Variants in ZNF431 observed in about 807,000 individuals in gnomAD.
ZNF431 encodes zinc finger protein 431.
A neutral mutation model predicts 57.0 loss-of-function variants in ZNF431; 34 were observed. That is an observed-to-expected ratio of 0.60 (90% CI 0.45 to 0.79). The LOEUF is 0.79. ZNF431 is among the 30% of genes least tolerant of loss of function. The pLI is 0.00. For missense variants in ZNF431, 607 were observed against 667.1 expected, an observed-to-expected ratio of 0.91 and a Z score of 0.99; for synonymous variants, 207 against 220.3, an observed-to-expected ratio of 0.94 and a Z score of 0.54.
chr19:21,153,748 C>A (rs1413582446), intron 2 of ZNF431, among the ~76,000 whole-genome samples: 1 of 152,012 alleles, frequency 6.6e-6, no homozygotes, highest in East Asian at 1.9e-4. Flanking sequence ...CAAAGTTTCG[C>A]TCTTGTTGTC....
intron 4 of ZNF431, among the ~76,000 whole-genome samples, chr19:21,181,032 G>T (rs1971197077): frequency 2.7e-5 from 4 of 150,226 alleles, no homozygotes; most frequent in Admixed American, 6.6e-5. Context: ...GTTGCTAATT[G>T]TATATTTTAT....
At position 21,142,223 on chromosome 19, in the gene ZNF431, A is replaced by AG. The variant is rs557530619; in HGVS notation, c.3+40dup. The AG allele has an allele frequency of 1.5e-4, 243 of 1,612,860 alleles. 1 individual carries two copies. In the East Asian group the frequency reaches 4.1e-3, roughly 27 times the overall value. On this transcript the variant is annotated intron_variant, in intron 1 of 4. Coordinates refer to ENST00000311048, the MANE Select transcript of ZNF431 (RefSeq NM_133473.4). The stretch of plus-strand genomic sequence containing the variant: ...GGGTCGGACATCCCGAGAGAGGGGA[A>AG]GGGCTGGTTGTAACCGGTGGGAAGT...
chr19:21,151,233 T>C (rs1970264358), intron 2 of ZNF431: 1 of 152,092 alleles, frequency 6.6e-6, no homozygotes, highest in African/African-American at 2.4e-5. Context: ...TTTTTTGTAT[T>C]TTTAGTACAG....
chr19:21,144,278 A>G (rs1970023581), intron 2 of ZNF431, among the ~76,000 whole-genome samples: 1 of 151,558 alleles, frequency 6.6e-6, no homozygotes, highest in Non-Finnish European at 1.5e-5. Flanking sequence ...GGCTCACTAC[A>G]ACCTCTGTCT....
chr19:21,152,837 T>C (rs1016567157), intron 2 of ZNF431, among the ~76,000 whole-genome samples: 1 of 152,118 alleles, frequency 6.6e-6, no homozygotes, highest in Non-Finnish European at 1.5e-5. Flanking sequence ...ATAGTCCCTT[T>C]GTGGTTACCA....
chr19:21,180,778 C>T (rs1334135501), intron 4 of ZNF431, among the ~76,000 whole-genome samples: 1 of 152,014 alleles, frequency 6.6e-6, no homozygotes, highest in Non-Finnish European at 1.5e-5. Context: ...GAAACCCTAT[C>T]TCTACTAAAA....
At chr19:21,157,817 C>T (rs1029840594) in intron 2 of ZNF431, among the ~76,000 whole-genome samples, 4 of 151,526 alleles carry the variant, frequency 2.6e-5, no homozygotes, top group South Asian at 2.1e-4. Flanking sequence ...CGTGAGCCAC[C>T]GCACCCGGCC....
At chr19:21,162,164 G>A (rs1970588509) in intron 2 of ZNF431, among the ~76,000 whole-genome samples, 1 of 151,246 alleles carries the variant, frequency 6.6e-6, no homozygotes, top group Admixed American at 6.6e-5. Context: ...GTGTGTGTGT[G>A]TGTGTGTGTG....
rs188244145 is a variant in ZNF431, at chr19:21,188,150, C to T, written c.*4116C>T. The T allele has an allele frequency of 2.0e-5, 3 of 151,944 alleles. No homozygotes were observed. Among genetic ancestry groups the T allele is most frequent in the East Asian group, 3.9e-4 (2 of 5,144 alleles). The allele number at this position is 151,944 out of a possible 1,614,324, so 9.4% of individuals were successfully genotyped here. On this transcript the variant is annotated 3_prime_UTR_variant, in exon 5 of 5. Coordinates refer to ENST00000311048, the MANE Select transcript of ZNF431 (RefSeq NM_133473.4). ...ACGCACGCCTGTAATCCCAGCTACT[C>T]GGAAGGCCGAGGGAGCAGAATCGCT...
chr19:21,166,457 C>T lies in ZNF431; in HGVS notation c.219C>T (p.Phe73=), dbSNP rs1209939417. ...TAGAAAACTACAAAAACCTGGTCTT[C>T]TTGGGTGAGAATAACTTTCATACAC... ...VMLENYKNLV[F]LGVAVSKQDP... Residue 73 remains phenylalanine (F), a synonymous_variant, in exon 3 of 5, where the codon TTC becomes TTT. Transcript: ENST00000311048. 6.2e-7 allele frequency: 1 copy of T among 1,604,268 alleles called. No individual in the cohort carries two copies. Among genetic ancestry groups the T allele is most frequent in the Admixed American group, 1.8e-5 (1 of 57,110 alleles).
At chr19:21,169,061 G>T (rs1399424165) in intron 4 of ZNF431, among the ~76,000 whole-genome samples, 1 of 151,912 alleles carries the variant, frequency 6.6e-6, no homozygotes, top group African/African-American at 2.4e-5. Context: ...ACAGGCACTC[G>T]GCACCAGCCC....
At chr19:21,153,251 T>G (rs372976847) in intron 2 of ZNF431, among the ~76,000 whole-genome samples, 217 of 152,292 alleles carry the variant, frequency 1.4e-3, no homozygotes, top group South Asian at 0.012. Context: ...AGCCAGGTCT[T>G]TATGACCTGT....
chr19:21,183,406 G>C lies in ZNF431; in HGVS notation c.1103G>C (p.Gly368Ala), dbSNP rs1340360079. The change falls in exon 5 of 5, where the codon GGA becomes GCA. Residue 368 changes from glycine (G) to alanine (A), a missense_variant. Transcript: ENST00000311048. ...YLTKHKIIHT[G>A]EKSYKCEECG... Reference sequence around the variant, plus strand: ...ACTAAACATAAGATAATTCATACTGGAGAAAAATCTTACAAATGTGAAGAA... The same window carrying C: ...ACTAAACATAAGATAATTCATACTGCAGAAAAATCTTACAAATGTGAAGAA... The C allele has an allele frequency of 1.9e-6, 3 of 1,613,322 alleles. No individual in the cohort carries two copies. The highest frequency in any genetic ancestry group is 2.5e-6 in the Non-Finnish European group (3 of 1,179,732).
rs1045383144 is a variant in ZNF431 at position 21,189,858 on chromosome 19, T to C, written c.*5824T>C. The C allele has an allele frequency of 7.5e-6, 3 of 397,984 alleles. No individual in the cohort carries two copies. The highest frequency in any genetic ancestry group is 6.2e-5 in the African/African-American group (3 of 48,594). 24.7% of individuals were successfully genotyped at this position (397,984 alleles called of 1,614,324 possible). A position where few individuals can be genotyped will look rare whatever the true frequency, so the allele number is the denominator to read the frequency against. On this transcript the variant is annotated 3_prime_UTR_variant, in exon 5 of 5. Transcript: ENST00000311048. ...TTGAGAATAATAGTTTTTGTTTTTT[T>C]TTTAAGGCCAGGAGTGGTGGCTCAC...
chr19:21,183,873 TC>T lies in ZNF431; in HGVS notation c.1572del (p.Ser525GlnfsTer62). On this transcript the variant is annotated frameshift_variant, in exon 5 of 5. Coordinates refer to ENST00000311048, the MANE Select transcript of ZNF431 (RefSeq NM_133473.4). LOFTEE classifies it high-confidence loss of function. ...AGAATGTGGTAAAGCCTTTAACCAA[TC>T]CTCAACTCTTACTAAACATAGGAAA... is the stretch of plus-strand genomic sequence containing the variant. ...CEECGKAFNQSSTLTKHRKIH... is the reference protein window; with the variant it reads ...CEECGKAFNQXSTLTKHRKIH... The T allele has an allele frequency of 3.1e-6, 5 of 1,613,936 alleles. No individual in the cohort carries two copies. Among genetic ancestry groups the T allele is most frequent in the Non-Finnish European group, 3.4e-6 (4 of 1,179,860 alleles).
At chr19:21,161,430 A>G (rs747564043) in intron 2 of ZNF431, among the ~76,000 whole-genome samples, 33 of 152,178 alleles carry the variant, frequency 2.2e-4, no homozygotes, top group Non-Finnish European at 4.1e-4. Context: ...GAATACATAT[A>G]TATCATCTGA....
In ZNF431 at chr19:21,196,029, A is replaced by G. The variant is rs1409048038; in HGVS notation, c.*11995A>G. ...AATTTTATATAGCATTCAATTTGAC[A>G]AAATATAAATCTATTTGATTTGAAT... On this transcript the variant is annotated 3_prime_UTR_variant, in exon 5 of 5. Transcript: ENST00000311048. 2 of 150,912 alleles carry G rather than the reference A, an allele frequency of 1.3e-5. No individual in the cohort carries two copies. Among genetic ancestry groups the G allele is most frequent in the African/African-American group, 4.9e-5 (2 of 40,934 alleles). 9.3% of individuals were successfully genotyped at this position (150,912 alleles called of 1,614,324 possible).
Position 21,167,633 on chromosome 19 carries a change from A to T in ZNF431, c.286A>T (p.Met96Leu). The T allele has an allele frequency of 4.4e-6, 7 of 1,589,014 alleles. No individual in the cohort carries two copies. The highest frequency in any genetic ancestry group is 6.0e-6 in the Non-Finnish European group (7 of 1,166,242). The change falls in exon 4 of 5, where the codon ATG (methionine) becomes TTG (leucine). Residue 96 changes from methionine to leucine, a missense_variant. By Grantham distance (15) the Met-to-Leu change is conservative. Coordinates refer to ENST00000311048, the MANE Select transcript of ZNF431 (RefSeq NM_133473.4). ...GGAGCAAGAAAAAGAGCCCTGGAAT[A>T]TGAAGAGACATGAGATGGTGGATGA... ...CLEQEKEPWN[M>L]KRHEMVDEPP...
chr19:21,160,013 A>T (rs11671623), intron 2 of ZNF431, among the ~76,000 whole-genome samples: 87,698 of 146,038 alleles, frequency 0.6, 26,659 homozygotes, highest in Middle Eastern at 0.81. Context: ...TAGACATATT[A>T]CTTAGAGTAT....
Sources: allele counts gnomAD v4.1 joint callset (sites outside exome capture counted in the v4.1 genomes callset), GRCh38; gene constraint gnomAD v4.1.1; transcripts MANE v1.5; gene names NCBI Gene and HGNC (gene_info 2026-07-23, HGNC 2026-07-21).